PAX1: variants seen among roughly 807,000 people sequenced by gnomAD.
PAX1 encodes the protein paired box 1.
Under a neutral mutation model 35.6 loss-of-function variants are expected in PAX1, and 18 were observed. That is an observed-to-expected ratio of 0.50 (90% CI 0.35 to 0.75). The LOEUF is 0.75. Ranked by LOEUF, PAX1 falls within the 30% of genes least tolerant of loss-of-function variation. The pLI, the probability that PAX1 is intolerant of heterozygous loss-of-function variation, is 0.01. For synonymous variants in PAX1, 397 were observed against 305.2 expected (o/e 1.30, Z -3.14); for missense variants, 760 against 661.5 (o/e 1.15, Z -1.63).
In PAX1 at chr20:21,706,400, C is replaced by T. The variant is rs373400050; in HGVS notation, c.287-38C>T. 7.5e-5 allele frequency: 120 copies of T among 1,608,560 alleles called. 1 individual carries two copies. The African/African-American group carries it at 1.5e-3, about 20-fold the overall frequency. On this transcript the variant is annotated intron_variant, in intron 1 of 4. Transcript: ENST00000613128. This position sits in a 1 kb window ranked among gnomAD's most constrained non-coding sequence, Gnocchi z 5.3. Reference sequence around the variant, plus strand: ...CCTTGGCTAACCCGCCGGGTGTTTTCTCCCCCTCCGGCTCACTCTTGTCTG... The same window carrying T: ...CCTTGGCTAACCCGCCGGGTGTTTTTTCCCCCTCCGGCTCACTCTTGTCTG...
chr20:21,710,028 G>A (rs1290651916), intron 4 of PAX1, among the ~76,000 whole-genome samples: 1 of 134,076 alleles, frequency 7.5e-6, no homozygotes, highest in African/African-American at 2.7e-5. Context: ...GAGGCCATGT[G>A]AATCAGTGTC....
Position 21,715,000 on chromosome 20 carries a change from C to A in PAX1, c.*438C>A. Reference sequence around the variant, plus strand: ...CCCTACCTTCCACCCCGGCTTTCCCCGACCTTCCAGGGCTCCCTCTGCCCT... The same window carrying A: ...CCCTACCTTCCACCCCGGCTTTCCCAGACCTTCCAGGGCTCCCTCTGCCCT... On this transcript the variant is annotated 3_prime_UTR_variant, in exon 5 of 5. Transcript: ENST00000613128. The A allele has an allele frequency of 3.1e-6, 2 of 653,098 alleles. No individual in the cohort carries two copies. The highest frequency in any genetic ancestry group is 1.8e-5 in the South Asian group (1 of 55,832). 40.5% of individuals were successfully genotyped at this position (653,098 alleles called of 1,614,324 possible).
At chr20:21,707,672 G>T (rs1481804772) in intron 2 of PAX1, among the ~76,000 whole-genome samples, 1 of 152,218 alleles carries the variant, frequency 6.6e-6, no homozygotes, top group African/African-American at 2.4e-5. Flanking sequence ...AGATGGGGAA[G>T]GCGGGAGGTT....
chr20:21,705,953 C>T lies in PAX1; in HGVS notation c.241C>T (p.Pro81Ser), dbSNP rs1984973320. 3.4e-6 allele frequency: 5 copies of T among 1,486,852 alleles called. No individual in the cohort carries two copies. Among genetic ancestry groups the T allele is most frequent in the African/African-American group, 1.4e-5 (1 of 69,700 alleles). The allele number at this position is 1,486,852 out of a possible 1,614,324, so 92.1% of individuals were successfully genotyped here. Residue 81 changes from proline to serine, a missense_variant, in exon 1 of 5, where the codon CCC becomes TCC. Pro to Ser is a moderately conservative substitution (Grantham distance 74, BLOSUM62 -1). Transcript: ENST00000613128. ...CTGCGCCGGGCCCAGCCCCGGCCAC[C>T]CCGGCCACCCCGGCGCCAGGCAGCT... ...PDCAGPSPGH[P>S]GHPGARQLAG...
rs1213517128 is a variant in PAX1 at position 21,708,615 on chromosome 20, G to A, written c.974G>A (p.Gly325Asp). The A allele has an allele frequency of 2.5e-6, 4 of 1,613,548 alleles. No individual in the cohort carries two copies. Among genetic ancestry groups the A allele is most frequent in the African/African-American group, 1.3e-5 (1 of 74,950 alleles). ...TCTCCCAAGATGGAAGACTGGGCCGGCGTGAACCGCACGGCCTTCCCCGCC... is the reference window on the plus strand; with the variant it reads ...TCTCCCAAGATGGAAGACTGGGCCGACGTGAACCGCACGGCCTTCCCCGCC... ...AYSPKMEDWA[G>D]VNRTAFPATP... Residue 325 changes from glycine to aspartate, a missense_variant, in exon 3 of 5, where the codon GGC (glycine) becomes GAC (aspartate). This residue lies in a region of PAX1 where 490 missense variants were observed against 428.4 expected (regional missense o/e 1.14). Transcript: ENST00000613128.
In PAX1 at chr20:21,717,540, T is replaced by C. The variant is rs143749587; in HGVS notation, c.*2978T>C. On this transcript the variant is annotated 3_prime_UTR_variant, in exon 5 of 5. Coordinates refer to ENST00000613128, the MANE Select transcript of PAX1 (RefSeq NM_001257096.2). ...TTTAAATATTTTCCAAAAGATCCCA[T>C]TGGAATATTGCACTTTTGCTCTTTG... 2.4e-4 allele frequency: 36 copies of C among 152,250 alleles called. No individual in the cohort carries two copies. The highest frequency in any genetic ancestry group is 4.7e-4 in the Non-Finnish European group (32 of 68,028). 9.4% of individuals were successfully genotyped at this position (152,250 alleles called of 1,614,324 possible). A position where few individuals can be genotyped will look rare whatever the true frequency, so the allele number is the denominator to read the frequency against.
Position 21,706,089 on chromosome 20 carries a change from G to A in PAX1, c.286+91G>A. On this transcript the variant is annotated intron_variant, in intron 1 of 4. Coordinates refer to ENST00000613128, the MANE Select transcript of PAX1 (RefSeq NM_001257096.2). The surrounding 1 kb of genome is among the most constrained non-coding windows in gnomAD (Gnocchi z 5.3). ...CTTCCCTCTCGTCCGCTTTCCCTGG[G>A]CGACCCAGTCCTGGGTCCTGGAGAA... The A allele has an allele frequency of 9.0e-7, 1 of 1,108,210 alleles. No homozygotes were observed. The highest frequency in any genetic ancestry group is 1.3e-6 in the Non-Finnish European group (1 of 787,484). 68.6% of individuals were successfully genotyped at this position (1,108,210 alleles called of 1,614,324 possible).
In PAX1 at chr20:21,709,422, C is replaced by T. The variant is rs1985128432; in HGVS notation, c.1260C>T (p.Thr420=). 2 of 1,537,604 alleles carry T rather than the reference C, an allele frequency of 1.3e-6. No individual in the cohort carries two copies. Among genetic ancestry groups the T allele is most frequent in the Non-Finnish European group, 1.7e-6 (2 of 1,147,264 alleles). ...VHGGELAAAM[T]FKHPSREVAD... ...GCGGGGAACTCGCGGCAGCAATGAC[C>T]TTCAAGCATCCCAGCCGAGAAGGTG... The change falls in exon 4 of 5, where the codon ACC becomes ACT. Residue 420 remains threonine, a synonymous_variant. Coordinates refer to ENST00000613128, the MANE Select transcript of PAX1 (RefSeq NM_001257096.2).
At chr20:21,713,983 C>G (rs949723472) in intron 4 of PAX1, among the ~76,000 whole-genome samples, 1 of 152,256 alleles carries the variant, frequency 6.6e-6, no homozygotes, top group African/African-American at 2.4e-5. Context: ...CCACAGCGAG[C>G]TCCGAGCCGC....
chr20:21,716,774 T>G lies in PAX1; in HGVS notation c.*2212T>G, dbSNP rs1985384490. On this transcript the variant is annotated 3_prime_UTR_variant, in exon 5 of 5. Transcript: ENST00000613128. ...TATGACAGAGAAGCATGTTCCCAAG[T>G]CCCCCATCCTCTCAGCCTGTCTCCT... 1.3e-5 allele frequency: 2 copies of G among 152,122 alleles called. No individual in the cohort carries two copies. The highest frequency in any genetic ancestry group is 2.9e-5 in the Non-Finnish European group (2 of 68,036). 9.4% of individuals were successfully genotyped at this position (152,122 alleles called of 1,614,324 possible). A position where few individuals can be genotyped will look rare whatever the true frequency, so the allele number is the denominator to read the frequency against.
Position 21,705,904 on chromosome 20 carries a change from C to A in PAX1, c.192C>A (p.Gly64=). Residue 64 remains glycine, a synonymous_variant, in exon 1 of 5, where the codon GGC becomes GGA. Coordinates refer to ENST00000613128, the MANE Select transcript of PAX1 (RefSeq NM_001257096.2). Reference sequence around the variant, plus strand: ...TCCCTCTATGCCTCTCACGCGGCGGCGGCGGCGCCCAAGCTCTCCCGGACT... The same window carrying A: ...TCCCTCTATGCCTCTCACGCGGCGGAGGCGGCGCCCAAGCTCTCCCGGACT... ...GALPLCLSRG[G]GGAQALPDCA... is the part of the protein sequence containing the mutation. 1.4e-6 allele frequency: 2 copies of A among 1,399,096 alleles called. No individual in the cohort carries two copies. 86.7% of individuals were successfully genotyped at this position (1,399,096 alleles called of 1,614,324 possible). A position where few individuals can be genotyped will look rare whatever the true frequency, so the allele number is the denominator to read the frequency against.
chr20:21,714,631 CG>C lies in PAX1; in HGVS notation c.*71del. Reference sequence around the variant, plus strand: ...GACCCGGGCGCACAGGTCTGCGCGGCGGCCCCGGCAATCGGCACGGGCAGGA... The same window carrying C: ...GACCCGGGCGCACAGGTCTGCGCGGCGCCCCGGCAATCGGCACGGGCAGGA... On this transcript the variant is annotated 3_prime_UTR_variant, in exon 5 of 5. Coordinates refer to ENST00000613128, the MANE Select transcript of PAX1 (RefSeq NM_001257096.2). The C allele has an allele frequency of 1.3e-6, 2 of 1,567,888 alleles. No homozygotes were observed. Among genetic ancestry groups the C allele is most frequent in the Non-Finnish European group, 1.7e-6 (2 of 1,160,210 alleles).
rs771613225 is a variant in PAX1 at position 21,706,393 on chromosome 20, G to A, written c.287-45G>A. 2 of 1,607,490 alleles carry A rather than the reference G, an allele frequency of 1.2e-6. No homozygotes were observed. The highest frequency in any genetic ancestry group is 2.2e-5 in the East Asian group (1 of 44,852). ...TGGGGACCCTTGGCTAACCCGCCGG[G>A]TGTTTTCTCCCCCTCCGGCTCACTC... On this transcript the variant is annotated intron_variant, in intron 1 of 4. Transcript: ENST00000613128. The surrounding 1 kb of genome is among the most constrained non-coding windows in gnomAD (Gnocchi z 5.3).
Position 21,706,944 on chromosome 20 carries a change from G to A in PAX1, c.793G>A (p.Ala265Thr), listed in dbSNP as rs753394681. The change falls in exon 2 of 5, where the codon GCC becomes ACC. Residue 265 changes from alanine to threonine, a missense_variant. By Grantham distance (58) the Ala-to-Thr change is moderately conservative (BLOSUM62 0). Coordinates refer to ENST00000613128, the MANE Select transcript of PAX1 (RefSeq NM_001257096.2). This position sits in a 1 kb window ranked among gnomAD's most constrained non-coding sequence, Gnocchi z 5.3. ...PYPSPVSPTG[A>T]KMGSHPGVPG... ...CCCCAGTCCCGTGTCGCCCACGGGC[G>A]CCAAGATGGGCAGCCACCCCGGGGT... is the stretch of plus-strand genomic sequence containing the variant. 1 of 1,612,438 alleles carries A rather than the reference G, an allele frequency of 6.2e-7. No homozygotes were observed. The highest frequency in any genetic ancestry group is 2.2e-5 in the East Asian group (1 of 44,844).
chr20:21,711,623 G>T (rs567149494), intron 4 of PAX1, among the ~76,000 whole-genome samples: 1 of 152,224 alleles, frequency 6.6e-6, no homozygotes, highest in South Asian at 2.1e-4. Context: ...TTCTTTAAAG[G>T]TTCTAATAAA....
Position 21,706,386 on chromosome 20 carries a change from C to T in PAX1, c.287-52C>T, listed in dbSNP as rs202215221. The T allele has an allele frequency of 2.9e-4, 459 of 1,605,660 alleles. 1 individual carries two copies. The Middle Eastern group carries it at 5.0e-3, about 17-fold the overall frequency. ...CTCCGCGTGGGGACCCTTGGCTAAC[C>T]CGCCGGGTGTTTTCTCCCCCTCCGG... is the stretch of plus-strand genomic sequence containing the variant. On this transcript the variant is annotated intron_variant, in intron 1 of 4. Coordinates refer to ENST00000613128, the MANE Select transcript of PAX1 (RefSeq NM_001257096.2). The surrounding 1 kb of genome is among the most constrained non-coding windows in gnomAD (Gnocchi z 5.3).
At chr20:21,712,486 C>A (rs947721508) in intron 4 of PAX1, among the ~76,000 whole-genome samples, 1 of 152,174 alleles carries the variant, frequency 6.6e-6, no homozygotes, top group African/African-American at 2.4e-5. Flanking sequence ...CTCCCCTTCC[C>A]CACCCTTAGG....
rs764254894 is a variant in PAX1, at chr20:21,708,627, C to A, written c.986C>A (p.Thr329Lys). 6 of 1,613,348 alleles carry A rather than the reference C, an allele frequency of 3.7e-6. No individual in the cohort carries two copies. Among genetic ancestry groups the A allele is most frequent in the Non-Finnish European group, 5.1e-6 (6 of 1,179,916 alleles). ...KMEDWAGVNR[T>K]AFPATPAVNG... ...GAAGACTGGGCCGGCGTGAACCGCACGGCCTTCCCCGCCACCCCCGCAGTG... is the reference window on the plus strand; with the variant it reads ...GAAGACTGGGCCGGCGTGAACCGCAAGGCCTTCCCCGCCACCCCCGCAGTG... Residue 329 changes from threonine (T) to lysine (K), a missense_variant, in exon 3 of 5, where the codon ACG becomes AAG. By Grantham distance (78) the Thr-to-Lys change is moderately conservative. Coordinates refer to ENST00000613128, the MANE Select transcript of PAX1 (RefSeq NM_001257096.2).
chr20:21,714,069 C>T (rs1985283816), intron 4 of PAX1, among the ~76,000 whole-genome samples: 1 of 152,242 alleles, frequency 6.6e-6, no homozygotes, highest in South Asian at 2.1e-4. Context: ...GGGTGAGGGT[C>T]CGCGCAACGT....
Sources: gnomAD v4.1 joint callset for allele counts (sites outside exome capture counted in the v4.1 genomes callset) on GRCh38, gnomAD v4.1.1 for gene constraint, gnomAD v4.1.1 regional missense constraint, Gnocchi (gnomAD v3.1) non-coding constraint, MANE v1.5 for transcripts, NCBI Gene and HGNC (gene_info 2026-07-23, HGNC 2026-07-21) for gene names.